Variants in ABCC4 observed in about 807,000 individuals in gnomAD.
ABCC4 encodes ATP-binding cassette sub-family C member 4.
ABCC4 carries 102 observed loss-of-function variants against 168.5 expected under a neutral mutation model. The observed-to-expected ratio is 0.61, with a 90% CI of 0.52 to 0.71. ABCC4 has a LOEUF of 0.71. ABCC4 is among the 30% of genes least tolerant of loss of function. The probability of loss-of-function intolerance (pLI) is 0.00; values close to 1 mark genes in which losing one functional copy is unlikely to be tolerated. For synonymous variants in ABCC4, 617 were observed against 590.7 expected, an observed-to-expected ratio of 1.04 and a Z score of -0.65; for missense variants, 1,402 against 1,605.8, an observed-to-expected ratio of 0.87 and a Z score of 2.17.
At position 95,296,565 on chromosome 13, in the gene ABCC4, C is replaced by T. The variant is rs555523817; in HGVS notation, c.74+4676G>A. 6.6e-5 allele frequency among the ~76,000 whole-genome samples: 10 copies of T among 152,212 alleles called. No individual in the cohort carries two copies. In the South Asian group the frequency reaches 2.1e-3, roughly 32 times the overall value. On this transcript the variant is annotated intron_variant, in intron 1 of 30. Coordinates refer to ENST00000645237, the MANE Select transcript of ABCC4 (RefSeq NM_005845.5). The stretch of plus-strand genomic sequence containing the variant: ...TGACACTTCACCCACTGAGATATGG[C>T]CAGCAACAGGGGAGCAAGGATTTAA...
intron 1 of ABCC4, among the ~76,000 whole-genome samples, chr13:95,270,276 T>C (rs1215730842): frequency 6.8e-6 from 1 of 147,230 alleles, no homozygotes; most frequent in East Asian, 2.0e-4. Context: ...AGAGAAAAAA[T>C]GACTTTTTTC....
At chr13:95,255,826 C>T (rs1296343919) in intron 1 of ABCC4, among the ~76,000 whole-genome samples, 1 of 152,154 alleles carries the variant, frequency 6.6e-6, no homozygotes, top group East Asian at 1.9e-4. Context: ...TCAGAGATTT[C>T]CTACTACGGA....
Position 95,207,780 on chromosome 13 carries a change from C to T in ABCC4, c.911+20G>A, listed in dbSNP as rs761154190. On this transcript the variant is annotated intron_variant, in intron 7 of 30. Coordinates refer to ENST00000645237, the MANE Select transcript of ABCC4 (RefSeq NM_005845.5). Reference sequence around the variant, plus strand: ...AATAGAAAAATACAAAAATATGGTACAATGTATACAAAAACTTACTTTCTC... The same window carrying T: ...AATAGAAAAATACAAAAATATGGTATAATGTATACAAAAACTTACTTTCTC... 1.2e-6 allele frequency: 2 copies of T among 1,604,898 alleles called. No individual in the cohort carries two copies. The highest frequency in any genetic ancestry group is 1.7e-6 in the Non-Finnish European group (2 of 1,175,624).
intron 1 of ABCC4, chr13:95,269,342 C>T (rs2138874815): frequency 2.2e-6 from 1 of 454,900 alleles, no homozygotes; most frequent in South Asian, 1.6e-5. Flanking sequence ...AGGAGGACTG[C>T]TTGAACACAG....
chr13:95,035,555 G>T (rs112744542), intron 29 of ABCC4, among the ~76,000 whole-genome samples: 32 of 152,324 alleles, frequency 2.1e-4, no homozygotes, highest in African/African-American at 7.5e-4. Flanking sequence ...ATTGCTGAGG[G>T]CTGAATATCT....
intron 4 of ABCC4, among the ~76,000 whole-genome samples, chr13:95,223,494 A>C (rs1384682437): frequency 1.3e-5 from 2 of 152,038 alleles, no homozygotes; most frequent in South Asian, 4.1e-4. Context: ...AAAAAGTGTA[A>C]AGTTTTTTGT....
rs1270981267 is a variant in ABCC4 at position 95,043,727 on chromosome 13, G to GGTTA, written c.3686_3689dup (p.Ile1231AsnfsTer11). 1.9e-6 allele frequency: 3 copies of GGTTA among 1,613,820 alleles called. No homozygotes were observed. The South Asian group carries it at 3.3e-5, about 18-fold the overall frequency. On this transcript the variant is annotated frameshift_variant, in exon 29 of 31. Transcript: ENST00000645237. LOFTEE classifies it high-confidence loss of function. ...TAATGGTGTTCAATCTGTGTGCAAT[G>GGTTA]GTTAGCACGGTGCAGTGGGCAAATT... is the stretch of plus-strand genomic sequence containing the variant.
chr13:95,118,100 A>G (rs2035441696), intron 19 of ABCC4, among the ~76,000 whole-genome samples: 1 of 152,224 alleles, frequency 6.6e-6, no homozygotes, highest in African/African-American at 2.4e-5. Flanking sequence ...AGCTACGCCA[A>G]TAACTGAACT....
chr13:95,026,458 GA>G (rs1290049403), intron 30 of ABCC4, among the ~76,000 whole-genome samples: 3 of 151,974 alleles, frequency 2.0e-5, no homozygotes, highest in Non-Finnish European at 2.9e-5. Flanking sequence ...TATTTGTAAA[GA>G]AGAGAATATA....
chr13:95,164,334 T>C, intron 16 of ABCC4, 44 bp downstream of exon 16: 1 of 1,609,896 alleles, frequency 6.2e-7, no homozygotes. Flanking sequence ...ACATAGGTAC[T>C]GTAAATATCA....
At chr13:95,125,402 A>G (rs1209931880) in intron 19 of ABCC4, among the ~76,000 whole-genome samples, 1 of 152,092 alleles carries the variant, frequency 6.6e-6, no homozygotes, top group African/African-American at 2.4e-5. Flanking sequence ...TTTGGCTATC[A>G]CTCCTGCTTA....
chr13:95,119,433 TGAGA>T (rs371638428), intron 19 of ABCC4, among the ~76,000 whole-genome samples: 19 of 150,616 alleles, frequency 1.3e-4, no homozygotes, highest in Admixed American at 2.0e-4. Context: ...AATTTTCCTC[TGAGA>T]GAGAGAGAGA....
intron 21 of ABCC4, among the ~76,000 whole-genome samples, chr13:95,078,555 T>A (rs115105047): frequency 1.0e-3 from 156 of 152,338 alleles, no homozygotes; most frequent in African/African-American, 3.7e-3. Context: ...GTAAGAGGAC[T>A]GAGCTGGTGC....
At chr13:95,072,763 G>A (rs528069504) in intron 24 of ABCC4, among the ~76,000 whole-genome samples, 1 of 152,296 alleles carries the variant, frequency 6.6e-6, no homozygotes, top group East Asian at 1.9e-4. Flanking sequence ...CCTCCCTTCT[G>A]TTCTTCACAT....
intron 1 of ABCC4, among the ~76,000 whole-genome samples, chr13:95,259,997 C>T (rs2040492167): frequency 6.6e-6 from 1 of 152,130 alleles, no homozygotes; most frequent in Admixed American, 6.6e-5. Context: ...GATCTCTGGA[C>T]CAGCAGCACC....
At chr13:95,209,982 TTGTG>T (rs1302619484) in intron 5 of ABCC4, among the ~76,000 whole-genome samples, 1 of 152,216 alleles carries the variant, frequency 6.6e-6, no homozygotes, top group Admixed American at 6.5e-5. Flanking sequence ...AGTAATTTAC[TTGTG>T]TGTTTGTCTC....
At chr13:95,132,562 A>C (rs1242944753) in intron 19 of ABCC4, among the ~76,000 whole-genome samples, 2 of 152,150 alleles carry the variant, frequency 1.3e-5, no homozygotes, top group African/African-American at 4.8e-5. Context: ...ATAATGCCTA[A>C]ATACAATGTA....
At position 95,143,467 on chromosome 13, in the gene ABCC4, AG is replaced by A. The variant is rs1419077403; in HGVS notation, c.2455+17721del. 2.0e-5 allele frequency among the ~76,000 whole-genome samples: 3 copies of A among 152,246 alleles called. No homozygotes were observed. The East Asian group carries it at 5.8e-4, about 29-fold the overall frequency. On this transcript the variant is annotated intron_variant, in intron 19 of 30. Transcript: ENST00000645237. ...CCAAAGACATCTTGAAATAGTTAAC[AG>A]GACTTCTAATTTGGAAGGATTTGAG...
chr13:95,151,608 G>GAGA (rs879883623), intron 19 of ABCC4, among the ~76,000 whole-genome samples: 11 of 149,804 alleles, frequency 7.3e-5, no homozygotes, highest in South Asian at 2.1e-4. Context: ...GGAGGAGAAG[G>GAGA]AGAAGGAGAA....
Sources: gnomAD v4.1 joint callset for allele counts (sites outside exome capture counted in the v4.1 genomes callset) on GRCh38, gnomAD v4.1.1 for gene constraint, MANE v1.5 for transcripts, NCBI Gene and HGNC (gene_info 2026-07-23, HGNC 2026-07-21) for gene names.